The following TRAM2 variants were observed in gnomAD, a reference collection of about 807,000 sequenced individuals.
TRAM2 encodes translocation associated membrane protein 2, also known as translocating chain-associated membrane protein 2.
TRAM2 carries 12 observed loss-of-function variants against 51.0 expected under a neutral mutation model. The observed-to-expected ratio is 0.24, with a 90% CI of 0.15 to 0.38. The LOEUF (loss-of-function observed/expected upper bound fraction) is 0.38. Among genes scored for constraint, TRAM2 ranks in the 10% least tolerant of loss-of-function variants. The pLI, the probability that TRAM2 is intolerant of heterozygous loss-of-function variation, is 1.00. For synonymous variants in TRAM2, 175 were observed against 179.4 expected, an observed-to-expected ratio of 0.98 and a Z score of 0.20; for missense variants, 361 against 462.0, an observed-to-expected ratio of 0.78 and a Z score of 2.00.
At chr6:52,564,137 A>G (rs1260730803) in intron 1 of TRAM2, among the ~76,000 whole-genome samples, 1 of 152,110 alleles carries the variant, frequency 6.6e-6, no homozygotes, top group Non-Finnish European at 1.5e-5. Flanking sequence ...ACTCATACTG[A>G]CTACGTGGTA....
intron 1 of TRAM2, among the ~76,000 whole-genome samples, chr6:52,545,533 G>A (rs916419527): frequency 1.3e-5 from 2 of 152,154 alleles, no homozygotes; most frequent in African/African-American, 4.8e-5. Flanking sequence ...TCCTGCCAAG[G>A]CCTTGCAGGA....
intron 1 of TRAM2, among the ~76,000 whole-genome samples, chr6:52,556,202 G>A (rs1462838240): frequency 2.0e-5 from 3 of 152,024 alleles, no homozygotes; most frequent in Non-Finnish European, 4.4e-5. Context: ...TGGGGGCTCA[G>A]GCACGCAGGG....
intron 1 of TRAM2, among the ~76,000 whole-genome samples, chr6:52,563,839 T>A (rs1767543886): frequency 6.9e-6 from 1 of 144,464 alleles, no homozygotes; most frequent in South Asian, 2.2e-4. Context: ...TGGTACCTAA[T>A]CAAAAACACT....
At chr6:52,553,604 T>A (rs72929173) in intron 1 of TRAM2, among the ~76,000 whole-genome samples, 4,951 of 152,296 alleles carry the variant, frequency 0.033, 106 homozygotes, top group Middle Eastern at 0.075. Flanking sequence ...TGCTTCCTCC[T>A]CACACCTGAA....
chr6:52,522,970 C>T, intron 2 of TRAM2: 1 of 700,038 alleles, frequency 1.4e-6, no homozygotes, highest in Non-Finnish European at 2.6e-6. Context: ...CTCCTCTGCA[C>T]AACCTGAGCT....
At chr6:52,521,940 T>G (rs1392973609) in intron 2 of TRAM2, among the ~76,000 whole-genome samples, 2 of 152,062 alleles carry the variant, frequency 1.3e-5, no homozygotes, top group African/African-American at 4.8e-5. Flanking sequence ...TGACTCTGAT[T>G]TTGGATCAAA....
chr6:52,568,527 G>A (rs1295289519), intron 1 of TRAM2, among the ~76,000 whole-genome samples: 2 of 152,192 alleles, frequency 1.3e-5, no homozygotes, highest in Admixed American at 1.3e-4. Flanking sequence ...GTGATTTCCT[G>A]CAGGACTCCA....
At chr6:52,563,419 A>G (rs538851242) in intron 1 of TRAM2, among the ~76,000 whole-genome samples, 2 of 152,312 alleles carry the variant, frequency 1.3e-5, no homozygotes, top group South Asian at 4.1e-4. Context: ...ATAAAAGCCA[A>G]TAAAAAGTGG....
At chr6:52,511,270 A>AT (rs1414247049) in intron 4 of TRAM2, among the ~76,000 whole-genome samples, 3 of 152,114 alleles carry the variant, frequency 2.0e-5, no homozygotes, top group African/African-American at 7.2e-5. Flanking sequence ...ACACCCGGCT[A>AT]TTTTTTGTAC....
chr6:52,533,863 G>A (rs557198354), intron 2 of TRAM2, among the ~76,000 whole-genome samples: 7 of 152,282 alleles, frequency 4.6e-5, no homozygotes, highest in Admixed American at 1.3e-4. Flanking sequence ...AGGCTGAGGC[G>A]GGTAGATTAC....
At chr6:52,542,962 G>A (rs1373032772) in intron 1 of TRAM2, among the ~76,000 whole-genome samples, 1 of 152,174 alleles carries the variant, frequency 6.6e-6, no homozygotes. Flanking sequence ...GAAAAACAGA[G>A]GGTGGCCTAG....
At chr6:52,552,571 G>A (rs1031372896) in intron 1 of TRAM2, among the ~76,000 whole-genome samples, 1 of 152,166 alleles carries the variant, frequency 6.6e-6, no homozygotes, top group Non-Finnish European at 1.5e-5. Context: ...CATGTTTTAA[G>A]GGTGTTCTCT....
intron 1 of TRAM2, among the ~76,000 whole-genome samples, chr6:52,570,605 G>A (rs745392775): frequency 6.6e-6 from 1 of 152,096 alleles, no homozygotes; most frequent in East Asian, 1.9e-4. Context: ...AAACCATCCC[G>A]ATTACAGGGT....
At position 52,565,292 on chromosome 6, in the gene TRAM2, T is replaced by A. The variant is rs182505621; in HGVS notation, c.120+11504A>T. ...GGCCATTTAGGTGAGGAATATCAAA[T>A]GCCCAAGCTAAAACAAAAGATCATT... On this transcript the variant is annotated intron_variant, in intron 1 of 10. Coordinates refer to ENST00000182527, the MANE Select transcript of TRAM2 (RefSeq NM_012288.4). 4.6e-5 allele frequency among the ~76,000 whole-genome samples: 7 copies of A among 152,136 alleles called. No individual in the cohort carries two copies. The South Asian group carries it at 1.2e-3, about 27-fold the overall frequency.
chr6:52,507,728 C>A, intron 6 of TRAM2, 105 bp from the exon 7 acceptor site: 1 of 1,070,188 alleles, frequency 9.3e-7, no homozygotes, highest in South Asian at 1.4e-5. Flanking sequence ...CTCCTCTGGG[C>A]TGCTTTAACA....
intron 4 of TRAM2, among the ~76,000 whole-genome samples, chr6:52,515,141 G>T (rs1157341784): frequency 1.3e-5 from 2 of 152,206 alleles, no homozygotes; most frequent in African/African-American, 4.8e-5. Context: ...GAAAGTGAGG[G>T]ATCTGTGGAA....
chr6:52,509,037 A>G (rs912349093), intron 5 of TRAM2, among the ~76,000 whole-genome samples: 6 of 152,110 alleles, frequency 3.9e-5, no homozygotes, highest in African/African-American at 1.4e-4. Flanking sequence ...TCCATCTCAG[A>G]AAAAAGACAA....
chr6:52,557,928 G>C (rs574553936), intron 1 of TRAM2, among the ~76,000 whole-genome samples: 2 of 152,232 alleles, frequency 1.3e-5, no homozygotes, highest in African/African-American at 4.8e-5. Flanking sequence ...AGGCACTTAG[G>C]AGTAATCACA....
Position 52,507,541 on chromosome 6 carries a change from G to A in TRAM2, c.626+12C>T. The A allele has an allele frequency of 6.2e-7, 1 of 1,613,666 alleles. No individual in the cohort carries two copies. The highest frequency in any genetic ancestry group is 8.5e-7 in the Non-Finnish European group (1 of 1,179,682). ...GGCAAGGAAATCTGGCTGGCTCCATGGTCTCACTCACTTTAAGAGGTATGC... is the reference window on the plus strand; with the variant it reads ...GGCAAGGAAATCTGGCTGGCTCCATAGTCTCACTCACTTTAAGAGGTATGC... On this transcript the variant is annotated intron_variant, in intron 7 of 10. Transcript: ENST00000182527.
Sources: allele counts gnomAD v4.1 joint callset (sites outside exome capture counted in the v4.1 genomes callset), GRCh38; gene constraint gnomAD v4.1.1; transcripts MANE v1.5; gene names NCBI Gene and HGNC (gene_info 2026-07-23, HGNC 2026-07-21).